The following ZNF235 variants were observed in gnomAD, a reference collection of about 807,000 sequenced individuals.
The protein encoded by ZNF235 is zinc finger protein 235, also known as zfp-93.
Under a neutral mutation model 29.4 loss-of-function variants are expected in ZNF235, and 25 were observed. The ratio of observed to expected loss-of-function variants is 0.85; its 90% CI spans 0.62 to 1.19. The LOEUF (loss-of-function observed/expected upper bound fraction) is 1.19. ZNF235 is among the 50% of genes most tolerant of loss of function. The pLI is 0.00. For missense variants in ZNF235, 788 were observed against 885.0 expected, an observed-to-expected ratio of 0.89 and a Z score of 1.39; for synonymous variants, 300 against 295.3, an observed-to-expected ratio of 1.02 and a Z score of -0.16.
chr19:44,301,462 G>A lies in ZNF235; in HGVS notation c.16-1730C>T, dbSNP rs556600405. On this transcript the variant is annotated intron_variant, in intron 2 of 4. Transcript: ENST00000291182. ...ATGTGTAGCATAGCCTCAAGTCCCT[G>A]AATAGTCTCTTTTTTTTTTTTCTTT... Among the ~76,000 whole-genome samples the A allele has an allele frequency of 2.7e-5, 4 of 148,352 alleles. No homozygotes were observed. The East Asian group carries it at 8.1e-4, about 30-fold the overall frequency.
intron 2 of ZNF235, among the ~76,000 whole-genome samples, chr19:44,301,465 T>C (rs1465894864): frequency 6.8e-6 from 1 of 146,270 alleles, no homozygotes; most frequent in Non-Finnish European, 1.5e-5. Context: ...AGTCCCTGAA[T>C]AGTCTCTTTT....
Position 44,303,439 on chromosome 19 carries a change from C to T in ZNF235, c.-35G>A. ...CCTCCTTCTGGGAAAAGGCAGAGTTCCGGGGAAGTGAACCTGAGGGAGGGA... is the reference window on the plus strand; with the variant it reads ...CCTCCTTCTGGGAAAAGGCAGAGTTTCGGGGAAGTGAACCTGAGGGAGGGA... On this transcript the variant is annotated 5_prime_UTR_variant, in exon 2 of 5. Coordinates refer to ENST00000291182, the MANE Select transcript of ZNF235 (RefSeq NM_004234.4). 6.2e-7 allele frequency: 1 copy of T among 1,607,842 alleles called. No individual in the cohort carries two copies. Among genetic ancestry groups the T allele is most frequent in the Non-Finnish European group, 8.5e-7 (1 of 1,176,280 alleles).
In ZNF235 at chr19:44,288,066, T is replaced by G; in HGVS notation, c.1369A>C (p.Lys457Gln). The change falls in exon 5 of 5, where the codon AAA (lysine) becomes CAA (glutamine). Residue 457 changes from lysine to glutamine, a missense_variant. Coordinates refer to ENST00000291182, the MANE Select transcript of ZNF235 (RefSeq NM_004234.4). ...HTHQRVHTEEKPYKCDECGKC... is the reference protein window; with the variant it reads ...HTHQRVHTEEQPYKCDECGKC... ...CCACACTCATCACATTTGTATGGTT[T>G]TTCTTCAGTGTGGACTCTCTGATGG... 6.2e-7 allele frequency: 1 copy of G among 1,614,188 alleles called. No homozygotes were observed. Among genetic ancestry groups the G allele is most frequent in the African/African-American group, 1.3e-5 (1 of 75,056 alleles).
intron 4 of ZNF235, among the ~76,000 whole-genome samples, chr19:44,295,892 C>A (rs946773767): frequency 6.6e-6 from 1 of 152,076 alleles, no homozygotes; most frequent in Non-Finnish European, 1.5e-5. Flanking sequence ...GAGTTCATTA[C>A]CTGAGATCTC....
At chr19:44,300,598 G>A (rs1039666150) in intron 2 of ZNF235, among the ~76,000 whole-genome samples, 1 of 152,086 alleles carries the variant, frequency 6.6e-6, no homozygotes, top group Non-Finnish European at 1.5e-5. Context: ...CCAGCACTTT[G>A]AGAGGTCGAG....
Position 44,299,603 on chromosome 19 carries a change from T to A in ZNF235, c.142+3A>T. 1 of 1,613,834 alleles carries A rather than the reference T, an allele frequency of 6.2e-7. No homozygotes were observed. On this transcript the variant is annotated splice_donor_region_variant and intron_variant, in intron 3 of 4. Transcript: ENST00000291182. Reference sequence around the variant, plus strand: ...CTGAATTACAGAGGGTGCCTGTCCTTACCCACTGAAACCAGGTTCCTAAAG... The same window carrying A: ...CTGAATTACAGAGGGTGCCTGTCCTAACCCACTGAAACCAGGTTCCTAAAG...
Position 44,287,476 on chromosome 19 carries a change from T to C in ZNF235, c.1959A>G (p.Lys653=). ...TCCCACATTCCTCACATTTAAATGGTTTCTCTCCAGTGTGAATTATCTGAT... is the reference window on the plus strand; with the variant it reads ...TCCCACATTCCTCACATTTAAATGGCTTCTCTCCAGTGTGAATTATCTGAT... The part of the protein sequence containing the change: ...QVHQIIHTGE[K]PFKCEECGKE... The change falls in exon 5 of 5, where the codon AAA becomes AAG. Residue 653 remains lysine, a synonymous_variant. Transcript: ENST00000291182. 2 of 1,614,084 alleles carry C rather than the reference T, an allele frequency of 1.2e-6. No homozygotes were observed. Among genetic ancestry groups the C allele is most frequent in the Non-Finnish European group, 1.7e-6 (2 of 1,180,006 alleles).
At position 44,288,440 on chromosome 19, in the gene ZNF235, G is replaced by C. The variant is rs1180863734; in HGVS notation, c.995C>G (p.Ser332Ter). ...GACTCTCTGATGAGTTTGCAGATTT[G>C]AGCTCTGACTGAAACCTTTACCACA... Reference protein sequence around the residue: ...HECGKGFSQSSNLQTHQRVHT... With the variant: ...HECGKGFSQS Residue 332 changes from serine to a stop codon, truncating the protein, a stop_gained, in exon 5 of 5, where the codon TCA (serine) becomes TGA (stop). Transcript: ENST00000291182. LOFTEE classifies it low-confidence loss of function (END_TRUNC). 1.2e-6 allele frequency: 2 copies of C among 1,614,096 alleles called. No individual in the cohort carries two copies. The highest frequency in any genetic ancestry group is 8.5e-7 in the Non-Finnish European group (1 of 1,180,038).
chr19:44,289,990 C>T (rs1057428562), intron 4 of ZNF235: 9 of 152,188 alleles, frequency 5.9e-5, no homozygotes, highest in Non-Finnish European at 7.3e-5. Context: ...TAACTGAGTC[C>T]GTGCTGTGAA....
intron 1 of ZNF235, among the ~76,000 whole-genome samples, 187 bp from the exon 2 acceptor site, chr19:44,303,639 T>C (rs1975787727): frequency 6.6e-6 from 1 of 152,208 alleles, no homozygotes; most frequent in Non-Finnish European, 1.5e-5. Flanking sequence ...CTTTTGTTCA[T>C]GAACATTTCA....
In ZNF235 at chr19:44,299,540, G is replaced by A. The variant is rs1331838055; in HGVS notation, c.142+66C>T. The A allele has an allele frequency of 5.7e-6, 9 of 1,587,948 alleles. No homozygotes were observed. The Admixed American group carries it at 6.9e-5, about 12-fold the overall frequency. On this transcript the variant is annotated intron_variant, in intron 3 of 4. Transcript: ENST00000291182. ...GCCTGATACAACACAGAATTATCTG[G>A]CCCAAAACATCAATGGCATGGAGGT...
At chr19:44,304,771 C>T (rs1975806743) in intron 1 of ZNF235, 200 bp downstream of exon 1, 2 of 985,380 alleles carry the variant, frequency 2.0e-6, no homozygotes, top group Non-Finnish European at 1.2e-6. Flanking sequence ...GCAGCAGACC[C>T]TCAACCTCGA....
chr19:44,294,056 G>A (rs1449119628), intron 4 of ZNF235, among the ~76,000 whole-genome samples: 1 of 150,930 alleles, frequency 6.6e-6, no homozygotes, highest in African/African-American at 2.4e-5. Flanking sequence ...ATATAACAAA[G>A]ACCACAGCAG....
Position 44,287,288 on chromosome 19 carries a change from C to A in ZNF235, c.2147G>T (p.Cys716Phe). The A allele has an allele frequency of 6.2e-7, 1 of 1,613,334 alleles. No individual in the cohort carries two copies. Reference sequence around the variant, plus strand: ...TGACCTCTGACTGAAGCCCTTACAACAGACATCACATATGTAAGGCCTCTC... The same window carrying A: ...TGACCTCTGACTGAAGCCCTTACAAAAGACATCACATATGTAAGGCCTCTC... ...TGERPYICDV[C>F]CKGFSQRSHL... The change falls in exon 5 of 5, where the codon TGT becomes TTT. Residue 716 changes from cysteine to phenylalanine, a missense_variant. Transcript: ENST00000291182.
At position 44,299,803 on chromosome 19, in the gene ZNF235, T is replaced by C. The variant is rs866507753; in HGVS notation, c.16-71A>G. The C allele has an allele frequency of 3.1e-6, 5 of 1,606,890 alleles. No homozygotes were observed. In the Middle Eastern group the frequency reaches 5.0e-4, roughly 160 times the overall value. ...ACTGGCACCTAAGCAACTCTTTCTGTAGAGTTACTATTCTTCCCCTTCCAC... is the reference window on the plus strand; with the variant it reads ...ACTGGCACCTAAGCAACTCTTTCTGCAGAGTTACTATTCTTCCCCTTCCAC... On this transcript the variant is annotated intron_variant, in intron 2 of 4. Transcript: ENST00000291182.
rs754927591 is a variant in ZNF235 at position 44,287,320 on chromosome 19, G to A, written c.2115C>T (p.His705=). The stretch of plus-strand genomic sequence containing the variant: ...CACATATGTAAGGCCTCTCTCCAGT[G>A]TGGACTCTCTGGTGTGTGTGAAAAT... ...ASHFHTHQRV[H]TGERPYICDV... is the part of the protein sequence containing the mutation. The change falls in exon 5 of 5, where the codon CAC becomes CAT. Residue 705 remains histidine, a synonymous_variant. Coordinates refer to ENST00000291182, the MANE Select transcript of ZNF235 (RefSeq NM_004234.4). The A allele has an allele frequency of 6.2e-7, 1 of 1,614,006 alleles. No individual in the cohort carries two copies. Among genetic ancestry groups the A allele is most frequent in the South Asian group, 1.1e-5 (1 of 91,084 alleles).
chr19:44,300,818 T>C (rs1195065713), intron 2 of ZNF235, among the ~76,000 whole-genome samples: 3 of 131,602 alleles, frequency 2.3e-5, no homozygotes, highest in Non-Finnish European at 3.1e-5. Context: ...CCAGCCTGAA[T>C]GACAGAGCGA....
intron 4 of ZNF235, 48 bp from the exon 5 acceptor site, chr19:44,289,244 T>C: frequency 6.7e-7 from 1 of 1,490,558 alleles, no homozygotes; most frequent in Non-Finnish European, 9.0e-7. Flanking sequence ...AGACTGACAT[T>C]AGCAAAGTAG....
At chr19:44,292,538 A>G (rs1034149140) in intron 4 of ZNF235, among the ~76,000 whole-genome samples, 1 of 151,680 alleles carries the variant, frequency 6.6e-6, no homozygotes, top group African/African-American at 2.4e-5. Flanking sequence ...ATCTAGTCAG[A>G]CGAAAGTAAA....
Sources: allele counts gnomAD v4.1 joint callset (sites outside exome capture counted in the v4.1 genomes callset), GRCh38; gene constraint gnomAD v4.1.1; transcripts MANE v1.5; gene names NCBI Gene and HGNC (gene_info 2026-07-23, HGNC 2026-07-21).